Variants in DENND1A observed in about 807,000 individuals in gnomAD.
DENND1A encodes DENN domain-containing protein 1A.
DENND1A carries 51 observed loss-of-function variants against 113.7 expected under a neutral mutation model. The observed-to-expected ratio is 0.45, with a 90% CI of 0.36 to 0.57. The LOEUF is 0.57. Ranked by LOEUF, DENND1A falls within the 20% of genes least tolerant of loss-of-function variation. DENND1A has a pLI of 0.00. For synonymous variants in DENND1A, 565 were observed against 570.8 expected, an observed-to-expected ratio of 0.99 and a Z score of 0.14; for missense variants, 1,258 against 1,395.9, an observed-to-expected ratio of 0.90 and a Z score of 1.57.
At chr9:123,843,116 A>G (rs1357290475) in intron 2 of DENND1A, 26 of 546,516 alleles carry the variant, frequency 4.8e-5, no homozygotes, top group Non-Finnish European at 3.7e-6. Flanking sequence ...TCTTCATTCC[A>G]TCATTCTTCT....
intron 13 of DENND1A, among the ~76,000 whole-genome samples, chr9:123,488,165 T>C (rs1349509298): frequency 1.3e-5 from 2 of 152,226 alleles, no homozygotes; most frequent in Non-Finnish European, 2.9e-5. Context: ...AGGGCTGCAA[T>C]GAATGCTTGC....
At chr9:123,524,553 A>G (rs2054653960) in intron 13 of DENND1A, among the ~76,000 whole-genome samples, 1 of 152,224 alleles carries the variant, frequency 6.6e-6, no homozygotes, top group South Asian at 2.1e-4. Flanking sequence ...AAAAAAGGTT[A>G]CAAACACAGC....
intron 2 of DENND1A, among the ~76,000 whole-genome samples, chr9:123,829,565 T>C (rs189341848): frequency 9.8e-4 from 149 of 151,514 alleles, no homozygotes; most frequent in Admixed American, 1.7e-3. Context: ...CAAAGTAAAG[T>C]GACAAATATT....
At chr9:123,536,367 G>A (rs188299920) in intron 13 of DENND1A, among the ~76,000 whole-genome samples, 282 of 152,118 alleles carry the variant, frequency 1.9e-3, no homozygotes, top group African/African-American at 6.3e-3. Context: ...CTATTCGGGA[G>A]GCTGAGGCAG....
intron 19 of DENND1A, 86 bp from the exon 20 acceptor site, chr9:123,411,915 G>C: frequency 1.1e-6 from 1 of 926,172 alleles, no homozygotes; most frequent in Non-Finnish European, 1.3e-6. Context: ...AAGGCACCCA[G>C]TCACCTAAGC....
chr9:123,642,700 C>T (rs1178658600), intron 9 of DENND1A, among the ~76,000 whole-genome samples: 4 of 152,310 alleles, frequency 2.6e-5, no homozygotes, highest in South Asian at 2.1e-4. Context: ...TTTGTTCCTA[C>T]GGCTGGAACA....
At chr9:123,890,896 T>C (rs771174837) in intron 1 of DENND1A, among the ~76,000 whole-genome samples, 47 of 152,216 alleles carry the variant, frequency 3.1e-4, no homozygotes, top group Non-Finnish European at 6.0e-4. Flanking sequence ...GCACTCATTG[T>C]AAGTGTCTAG....
chr9:123,542,673 T>C (rs573055875), intron 13 of DENND1A, among the ~76,000 whole-genome samples: 4 of 152,122 alleles, frequency 2.6e-5, no homozygotes, highest in South Asian at 4.2e-4. Flanking sequence ...AGGGAAAAGT[T>C]TGAGTATCTC....
chr9:123,714,507 A>C (rs1055439567), intron 5 of DENND1A, among the ~76,000 whole-genome samples: 5 of 151,948 alleles, frequency 3.3e-5, no homozygotes, highest in Non-Finnish European at 7.4e-5. Context: ...GAGGCTGAAG[A>C]AGGAGAATTG....
At chr9:123,867,403 G>A (rs1401748208) in intron 2 of DENND1A, among the ~76,000 whole-genome samples, 1 of 152,206 alleles carries the variant, frequency 6.6e-6, no homozygotes, top group African/African-American at 2.4e-5. Flanking sequence ...ATAAGACCTC[G>A]GGCATGTAGA....
At chr9:123,402,263 C>CAT (rs1554799328) in intron 21 of DENND1A, among the ~76,000 whole-genome samples, 2 of 151,876 alleles carry the variant, frequency 1.3e-5, no homozygotes, top group African/African-American at 4.9e-5. Flanking sequence ...CACACACACA[C>CAT]GCACGCACAC....
chr9:123,873,745 C>A (rs966400486), intron 2 of DENND1A, among the ~76,000 whole-genome samples: 3 of 151,676 alleles, frequency 2.0e-5, no homozygotes, highest in South Asian at 2.1e-4. Flanking sequence ...TTATCTATCT[C>A]TCTTTTTTTT....
At chr9:123,406,947 A>G (rs936095413) in intron 20 of DENND1A, among the ~76,000 whole-genome samples, 3 of 152,166 alleles carry the variant, frequency 2.0e-5, no homozygotes, top group African/African-American at 7.2e-5. Flanking sequence ...CTTGTGGCTG[A>G]AATGGGGGGA....
chr9:123,507,062 G>C (rs926893323), intron 13 of DENND1A, among the ~76,000 whole-genome samples: 1 of 152,106 alleles, frequency 6.6e-6, no homozygotes, highest in African/African-American at 2.4e-5. Flanking sequence ...GGTGGCACGT[G>C]CCTGTAATCC....
intron 21 of DENND1A, among the ~76,000 whole-genome samples, chr9:123,396,539 TGA>T (rs1341517427): frequency 1.3e-5 from 2 of 152,278 alleles, no homozygotes; most frequent in East Asian, 3.8e-4. Flanking sequence ...AGCATGTGTG[TGA>T]GTGTCCAGAG....
intron 10 of DENND1A, among the ~76,000 whole-genome samples, chr9:123,620,213 C>CAAAAAAAA (rs34196587): frequency 4.6e-4 from 27 of 59,020 alleles, no homozygotes; most frequent in East Asian, 8.8e-4. Context: ...GACTCCATCT[C>CAAAAAAAA]AAAAAAAAAA....
chr9:123,775,679 T>G (rs1241639850), intron 3 of DENND1A, among the ~76,000 whole-genome samples: 1 of 152,176 alleles, frequency 6.6e-6, no homozygotes, highest in African/African-American at 2.4e-5. Context: ...ATTATCAAGC[T>G]CAAAGTCCTT....
intron 2 of DENND1A, among the ~76,000 whole-genome samples, chr9:123,837,993 C>T (rs560666528): frequency 3.9e-4 from 60 of 152,310 alleles, no homozygotes; most frequent in Middle Eastern, 3.4e-3. Flanking sequence ...TACATCCTAT[C>T]GTCACACAGC....
intron 5 of DENND1A, among the ~76,000 whole-genome samples, chr9:123,748,046 T>A (rs2069670846): frequency 6.6e-6 from 1 of 152,206 alleles, no homozygotes; most frequent in African/African-American, 2.4e-5. Flanking sequence ...AATGCATTTT[T>A]AAAAAGAAGA....
Sources: gnomAD v4.1 joint callset for allele counts (sites outside exome capture counted in the v4.1 genomes callset) on GRCh38, gnomAD v4.1.1 for gene constraint, MANE v1.5 for transcripts, NCBI Gene and HGNC (gene_info 2026-07-23, HGNC 2026-07-21) for gene names.